The following RFX3 variants were observed in gnomAD, a reference collection of about 807,000 sequenced individuals.
RFX3 encodes regulatory factor X3, also known as transcription factor RFX3.
In RFX3, 14 loss-of-function variants were observed where a neutral mutation model predicts 98.6. The observed-to-expected ratio is 0.14, with a 90% confidence interval of 0.09 to 0.22. The LOEUF (loss-of-function observed/expected upper bound fraction) is 0.22, where lower values mean the gene tolerates loss of function less well. RFX3 is among the 10% of genes least tolerant of loss of function. RFX3 has a pLI of 1.00. For missense variants in RFX3, 639 were observed against 926.9 expected (o/e 0.69, Z 4.03); for synonymous variants, 383 against 328.4 (o/e 1.17, Z -1.80).
In RFX3 at chr9:3,296,196, T is replaced by C. The variant is rs557022742; in HGVS notation, c.550-2938A>G. On this transcript the variant is annotated intron_variant, in intron 5 of 16. Coordinates refer to ENST00000617270, the MANE Select transcript of RFX3 (RefSeq NM_001282116.2). ...ATATTAAAGTTTAATATAAAATATT[T>C]TGAGTCCAATGGTATATTTACATTT... 2.6e-5 allele frequency among the ~76,000 whole-genome samples: 4 copies of C among 151,990 alleles called. No individual in the cohort carries two copies. The South Asian group carries it at 8.3e-4, about 31-fold the overall frequency.
intron 1 of RFX3, among the ~76,000 whole-genome samples, chr9:3,497,644 T>C (rs1234206182): frequency 6.6e-6 from 1 of 151,896 alleles, no homozygotes; most frequent in African/African-American, 2.4e-5. Context: ...CAAACTATTA[T>C]TACAGGAATG....
rs181965506 is a variant in RFX3, at chr9:3,418,846, G to A, written c.-8-23250C>T. 1.6e-4 allele frequency among the ~76,000 whole-genome samples: 25 copies of A among 152,250 alleles called. 1 individual carries two copies. Among genetic ancestry groups the A allele is most frequent in the Non-Finnish European group, 1.9e-4 (13 of 68,016 alleles). On this transcript the variant is annotated intron_variant, in intron 1 of 16. Transcript: ENST00000617270. Reference sequence around the variant, plus strand: ...ATGCCAATGTTAAAACAAAGCTGGGGCAATCTCTTTTCAAAGCAAGAGACA... The same window carrying A: ...ATGCCAATGTTAAAACAAAGCTGGGACAATCTCTTTTCAAAGCAAGAGACA...
intron 14 of RFX3, among the ~76,000 whole-genome samples, chr9:3,250,213 A>G (rs183698812): frequency 3.3e-5 from 5 of 152,140 alleles, no homozygotes; most frequent in Admixed American, 1.3e-4. Context: ...TTTTACCCAT[A>G]CTAACAAAGA....
intron 2 of RFX3, among the ~76,000 whole-genome samples, chr9:3,373,357 C>A (rs1838073795): frequency 6.6e-6 from 1 of 152,180 alleles, no homozygotes; most frequent in Non-Finnish European, 1.5e-5. Flanking sequence ...TTCCACACTT[C>A]AGACAATATC....
intron 1 of RFX3, among the ~76,000 whole-genome samples, chr9:3,463,133 C>T (rs376080717): frequency 2.0e-5 from 3 of 152,022 alleles, no homozygotes; most frequent in African/African-American, 7.2e-5. Context: ...TATTACTTAA[C>T]TGTAAGACTT....
chr9:3,403,883 A>G (rs570876426), intron 1 of RFX3, among the ~76,000 whole-genome samples: 2 of 152,206 alleles, frequency 1.3e-5, no homozygotes, highest in East Asian at 3.9e-4. Context: ...AGAAATTCTT[A>G]ATTTTCTTCA....
At chr9:3,418,128 C>A (rs1470901927) in intron 1 of RFX3, among the ~76,000 whole-genome samples, 3 of 152,152 alleles carry the variant, frequency 2.0e-5, no homozygotes, top group African/African-American at 7.2e-5. Flanking sequence ...AATTCATAAT[C>A]TAGCTTTACC....
chr9:3,330,442 T>G lies in RFX3; in HGVS notation c.291A>C (p.Gln97His). The G allele has an allele frequency of 6.2e-7, 1 of 1,614,140 alleles. No individual in the cohort carries two copies. Among genetic ancestry groups the G allele is most frequent in the South Asian group, 1.1e-5 (1 of 91,084 alleles). The change falls in exon 4 of 17, where the codon CAA becomes CAC. Residue 97 changes from glutamine (Q) to histidine (H), a missense_variant. By Grantham distance (24) the Gln-to-His change is conservative. Coordinates refer to ENST00000617270, the MANE Select transcript of RFX3 (RefSeq NM_001282116.2). The part of the protein sequence containing the change: ...QNTGGNYFDT[Q>H]GSSAQVTTVV... ...CGGTAGTCACCTGGGCGGAACTCCC[T>G]TGAGTATCAAAGTAATTCCCTCCAG...
intron 4 of RFX3, among the ~76,000 whole-genome samples, chr9:3,318,113 G>T (rs10971400): frequency 0.078 from 11,916 of 152,218 alleles, 760 homozygotes; most frequent in East Asian, 0.36. Context: ...CAAAGTCTTG[G>T]AACCAACCCA....
At chr9:3,349,395 G>T (rs3012674) in intron 2 of RFX3, among the ~76,000 whole-genome samples, 1 of 151,894 alleles carries the variant, frequency 6.6e-6, no homozygotes, top group East Asian at 1.9e-4. Flanking sequence ...AGCTTGATAC[G>T]CAGTTAAATT....
intron 1 of RFX3, among the ~76,000 whole-genome samples, chr9:3,415,545 A>G (rs1271717392): frequency 6.6e-6 from 1 of 152,144 alleles, no homozygotes; most frequent in Non-Finnish European, 1.5e-5. Context: ...AGATGCTGGG[A>G]AAGATCCCAA....
intron 1 of RFX3, among the ~76,000 whole-genome samples, chr9:3,410,209 G>GTGTGTGTGTGTGTGTGTGTGT (rs55715321): frequency 2.0e-4 from 29 of 148,618 alleles, no homozygotes; most frequent in East Asian, 4.0e-4. Flanking sequence ...GTGTGTGTGT[G>GTGTGTGTGTGTGTGTGTGTGT]GCGCTATCAA....
intron 15 of RFX3, among the ~76,000 whole-genome samples, chr9:3,236,639 G>A (rs935716430): frequency 6.6e-6 from 1 of 152,208 alleles, no homozygotes; most frequent in Non-Finnish European, 1.5e-5. Context: ...CATGTTATCA[G>A]ATGGCGGAAG....
chr9:3,316,019 A>T lies in RFX3; in HGVS notation c.474+14240T>A, dbSNP rs199854261. On this transcript the variant is annotated intron_variant, in intron 4 of 16. Coordinates refer to ENST00000617270, the MANE Select transcript of RFX3 (RefSeq NM_001282116.2). Reference sequence around the variant, plus strand: ...AAAAAGAGGGAATCCTCCCTAATTCATTTTATGAGGCCAACATCATCCTGA... The same window carrying T: ...AAAAAGAGGGAATCCTCCCTAATTCTTTTTATGAGGCCAACATCATCCTGA... Among the ~76,000 whole-genome samples the T allele has an allele frequency of 7.1e-4, 108 of 152,300 alleles. 2 individuals are homozygous for T. The East Asian group carries it at 0.012, about 16-fold the overall frequency.
chr9:3,340,652 A>C (rs1833780320), intron 3 of RFX3, among the ~76,000 whole-genome samples: 1 of 152,214 alleles, frequency 6.6e-6, no homozygotes, highest in Admixed American at 6.5e-5. Context: ...CACATGAAAA[A>C]ATGCTCATCA....
intron 1 of RFX3, among the ~76,000 whole-genome samples, chr9:3,504,247 A>G (rs1478239061): frequency 3.8e-5 from 5 of 131,580 alleles, no homozygotes; most frequent in Non-Finnish European, 7.7e-5. Flanking sequence ...TTATATATAT[A>G]TTTTATATAT....
intron 13 of RFX3, among the ~76,000 whole-genome samples, chr9:3,260,571 C>CA (rs1006878984): frequency 6.6e-6 from 1 of 151,630 alleles, no homozygotes; most frequent in Admixed American, 6.6e-5. Context: ...CTTTCTGAAA[C>CA]TAGAAGCTGC....
chr9:3,293,728 C>A (rs1273625691), intron 5 of RFX3, among the ~76,000 whole-genome samples: 2 of 152,094 alleles, frequency 1.3e-5, no homozygotes, highest in African/African-American at 4.8e-5. Context: ...ATTAAAGTTA[C>A]ATTCCTTTTT....
At chr9:3,446,496 A>T (rs1846064946) in intron 1 of RFX3, among the ~76,000 whole-genome samples, 1 of 152,098 alleles carries the variant, frequency 6.6e-6, no homozygotes, top group African/African-American at 2.4e-5. Context: ...AAGCCAGAGG[A>T]ATAACCTTTC....
Sources: gnomAD v4.1 joint callset for allele counts (sites outside exome capture counted in the v4.1 genomes callset) on GRCh38, gnomAD v4.1.1 for gene constraint, MANE v1.5 for transcripts, NCBI Gene and HGNC (gene_info 2026-07-23, HGNC 2026-07-21) for gene names.